The following DTNA variants were observed in gnomAD, a reference collection of about 807,000 sequenced individuals.
DTNA encodes dystrobrevin alpha.
DTNA carries 43 observed loss-of-function variants against 100.7 expected under a neutral mutation model. The ratio of observed to expected loss-of-function variants is 0.43; its 90% CI spans 0.33 to 0.55. DTNA has a LOEUF of 0.55. Ranked by LOEUF, DTNA falls within the 20% of genes least tolerant of loss-of-function variation. DTNA has a pLI of 0.04. For synonymous variants in DTNA, 349 were observed against 347.9 expected (o/e 1.00, Z -0.04); for missense variants, 798 against 953.9 (o/e 0.84, Z 2.15).
At chr18:34,529,274 T>C (rs1280057208) in intron 1 of DTNA, among the ~76,000 whole-genome samples, 1 of 152,142 alleles carries the variant, frequency 6.6e-6, no homozygotes, top group Non-Finnish European at 1.5e-5. Flanking sequence ...GTATAACTTA[T>C]TTATTATTAG....
chr18:34,804,189 A>C (rs975895168), intron 4 of DTNA, among the ~76,000 whole-genome samples: 2 of 152,172 alleles, frequency 1.3e-5, no homozygotes, highest in African/African-American at 4.8e-5. Context: ...GGTTGTGGGC[A>C]GACCATGTTA....
chr18:34,705,069 G>C (rs1399995626), intron 1 of DTNA, among the ~76,000 whole-genome samples: 1 of 152,212 alleles, frequency 6.6e-6, no homozygotes, highest in East Asian at 1.9e-4. Flanking sequence ...CGTACTAAAA[G>C]GCCATAAAAG....
At chr18:34,819,773 A>G (rs190214593) in intron 8 of DTNA, among the ~76,000 whole-genome samples, 89 of 152,178 alleles carry the variant, frequency 5.8e-4, no homozygotes, top group African/African-American at 2.0e-3. Flanking sequence ...TAAGAATTAC[A>G]TCTCCTAACA....
At chr18:34,661,933 G>A (rs7227497) in intron 1 of DTNA, among the ~76,000 whole-genome samples, 18,721 of 152,002 alleles carry the variant, frequency 0.12, 1,818 homozygotes, top group African/African-American at 0.27. Flanking sequence ...TCCACCCTGA[G>A]CTTGAAAATA....
intron 1 of DTNA, among the ~76,000 whole-genome samples, chr18:34,751,580 A>G (rs2092327675): frequency 2.0e-5 from 3 of 152,144 alleles, no homozygotes; most frequent in Admixed American, 2.0e-4. Flanking sequence ...CTGTTCCCAA[A>G]TGCACCTTAC....
chr18:34,549,056 A>G (rs2045110540), intron 1 of DTNA, among the ~76,000 whole-genome samples: 1 of 151,918 alleles, frequency 6.6e-6, no homozygotes, highest in African/African-American at 2.4e-5. Context: ...GTCCCTCTCA[A>G]TCCCCAAAGA....
chr18:34,611,322 G>C (rs2147523862), intron 1 of DTNA, among the ~76,000 whole-genome samples: 1 of 152,186 alleles, frequency 6.6e-6, no homozygotes, highest in Non-Finnish European at 1.5e-5. Context: ...ATCCCTTTTA[G>C]CTTTTTAGAC....
At chr18:34,871,747 A>AT (rs1470810870) in intron 17 of DTNA, among the ~76,000 whole-genome samples, 1 of 152,244 alleles carries the variant, frequency 6.6e-6, no homozygotes, top group Non-Finnish European at 1.5e-5. Flanking sequence ...CAGAGATGGC[A>AT]TTCCTCACAG....
chr18:34,714,470 A>G (rs1315726876), intron 1 of DTNA, among the ~76,000 whole-genome samples: 21 of 149,862 alleles, frequency 1.4e-4, no homozygotes, highest in African/African-American at 5.2e-4. Flanking sequence ...GCAGCCAAAA[A>G]ACACATGAAA....
At chr18:34,570,463 CT>C (rs1459139757) in intron 1 of DTNA, among the ~76,000 whole-genome samples, 2 of 152,176 alleles carry the variant, frequency 1.3e-5, no homozygotes, top group African/African-American at 4.8e-5. Flanking sequence ...GTCTTAATTA[CT>C]TTTTTATACC....
intron 1 of DTNA, among the ~76,000 whole-genome samples, chr18:34,615,103 C>T (rs542707765): frequency 2.4e-4 from 37 of 152,310 alleles, no homozygotes; most frequent in African/African-American, 7.7e-4. Context: ...GCTGTGCAAG[C>T]ATGGTGCTGA....
Position 34,875,249 on chromosome 18 carries a change from C to T in DTNA, c.1754C>T (p.Ala585Val), listed in dbSNP as rs750309072. ...GCATTGTCTCTCCAGACTCAGGGGG[C>T]AGGCTCTCCCCGCTCCTCCCCCAGC... ...GLMKLLKTQG[A>V]GSPRSSPSHT... Residue 585 changes from alanine to valine, a missense_variant, in exon 18 of 23, where the codon GCA (alanine) becomes GTA (valine). Ala to Val is a moderately conservative substitution (Grantham distance 64). Coordinates refer to ENST00000444659, the MANE Select transcript of DTNA (RefSeq NM_001386795.1). The T allele has an allele frequency of 5.6e-6, 9 of 1,613,914 alleles. No individual in the cohort carries two copies. Among genetic ancestry groups the T allele is most frequent in the Middle Eastern group, 1.7e-4 (1 of 6,042 alleles).
At chr18:34,561,347 G>A (rs145547774) in intron 1 of DTNA, among the ~76,000 whole-genome samples, 1 of 152,192 alleles carries the variant, frequency 6.6e-6, no homozygotes, top group East Asian at 1.9e-4. Flanking sequence ...GAACTTCTCA[G>A]TACTGAAATC....
chr18:34,857,384 A>C (rs934115220), intron 15 of DTNA, among the ~76,000 whole-genome samples: 2 of 152,208 alleles, frequency 1.3e-5, no homozygotes, highest in African/African-American at 4.8e-5. Context: ...GCTCCGTCTT[A>C]CTGGCTTCTA....
intron 1 of DTNA, among the ~76,000 whole-genome samples, chr18:34,498,083 C>A (rs906623072): frequency 6.6e-6 from 1 of 151,982 alleles, no homozygotes; most frequent in African/African-American, 2.4e-5. Context: ...GAGTTCGAGA[C>A]CAGCCTGGCC....
At chr18:34,811,171 A>T (rs919087581) in intron 5 of DTNA, among the ~76,000 whole-genome samples, 2 of 152,170 alleles carry the variant, frequency 1.3e-5, no homozygotes, top group African/African-American at 4.8e-5. Context: ...TGCACAGAGG[A>T]ATTATAAAAC....
At chr18:34,865,872 A>G (rs2096695705) in intron 17 of DTNA, among the ~76,000 whole-genome samples, 1 of 152,232 alleles carries the variant, frequency 6.6e-6, no homozygotes, top group Non-Finnish European at 1.5e-5. Flanking sequence ...AGATGTACAC[A>G]TACCAGGACA....
At chr18:34,499,962 A>T (rs914379491) in intron 1 of DTNA, among the ~76,000 whole-genome samples, 1 of 152,200 alleles carries the variant, frequency 6.6e-6, no homozygotes, top group African/African-American at 2.4e-5. Context: ...TTTTACATGT[A>T]AATAACTATT....
At chr18:34,624,896 C>A (rs1416418086) in intron 1 of DTNA, among the ~76,000 whole-genome samples, 4 of 152,212 alleles carry the variant, frequency 2.6e-5, no homozygotes, top group Non-Finnish European at 4.4e-5. Flanking sequence ...CAGAGTCTCA[C>A]TCTTTCACCG....
Sources: gnomAD v4.1 joint callset for allele counts (sites outside exome capture counted in the v4.1 genomes callset) on GRCh38, gnomAD v4.1.1 for gene constraint, MANE v1.5 for transcripts, NCBI Gene and HGNC (gene_info 2026-07-23, HGNC 2026-07-21) for gene names.